ATP1A4: variants seen among roughly 807,000 people sequenced by gnomAD.
ATP1A4 encodes the protein ATPase Na+/K+ transporting subunit alpha 4.
A neutral mutation model predicts 114.3 loss-of-function variants in ATP1A4; 90 were observed. The ratio of observed to expected loss-of-function variants is 0.79; its 90% confidence interval spans 0.66 to 0.94. The LOEUF is 0.94. ATP1A4 is among the 40% of genes least tolerant of loss of function. The probability of loss-of-function intolerance (pLI) is 0.00; values close to 1 mark genes in which losing one functional copy is unlikely to be tolerated. For missense variants in ATP1A4, 1,222 were observed against 1,313.6 expected (o/e 0.93, Z 1.08); for synonymous variants, 511 against 494.1 (o/e 1.03, Z -0.45).
chr1:160,153,626 A>G lies in ATP1A4; in HGVS notation c.207+402A>G, dbSNP rs553049443. On this transcript the variant is annotated intron_variant, in intron 2 of 21. Coordinates refer to ENST00000368081, the MANE Select transcript of ATP1A4 (RefSeq NM_144699.4). ...ATTCATTTAAAAATAACAAAAATAAAGTTATCATATATTCATATATGTTTT... is the reference window on the plus strand; with the variant it reads ...ATTCATTTAAAAATAACAAAAATAAGGTTATCATATATTCATATATGTTTT... Among the ~76,000 whole-genome samples, 4 of 152,336 alleles carry G rather than the reference A, an allele frequency of 2.6e-5. No homozygotes were observed. In the South Asian group the frequency reaches 8.3e-4, roughly 32 times the overall value.
chr1:160,176,658 C>T (rs1653477620), intron 17 of ATP1A4, 56 bp downstream of exon 17: 2 of 1,593,322 alleles, frequency 1.3e-6, no homozygotes, highest in Non-Finnish European at 1.7e-6. Flanking sequence ...CCCTGCCTGG[C>T]AACGTGAGCC....
chr1:160,162,620 C>G (rs904763308), intron 6 of ATP1A4, among the ~76,000 whole-genome samples: 10 of 152,202 alleles, frequency 6.6e-5, no homozygotes, highest in African/African-American at 2.4e-4. Context: ...GCATCCTGGC[C>G]TCTACCCACT....
chr1:160,161,108 C>G (rs1652850373), intron 6 of ATP1A4, among the ~76,000 whole-genome samples: 1 of 152,112 alleles, frequency 6.6e-6, no homozygotes, highest in African/African-American at 2.4e-5. Context: ...CAACATGTGG[C>G]CAAGAAGGTG....
intron 20 of ATP1A4, among the ~76,000 whole-genome samples, chr1:160,184,901 A>G (rs1347239819): frequency 6.6e-6 from 1 of 152,136 alleles, no homozygotes; most frequent in African/African-American, 2.4e-5. Context: ...AGAAGCATCA[A>G]TATATTCGCC....
Position 160,177,595 on chromosome 1 carries a change from G to A in ATP1A4, c.2667G>A (p.Leu889=). The A allele has an allele frequency of 6.2e-7, 1 of 1,614,192 alleles. No individual in the cohort carries two copies. The stretch of plus-strand genomic sequence containing the variant: ...AGAATGGTTTTAGGCCTGTTGATCT[G>A]CTGGGCATCCGCCTCCACTGGGAAG... ...LAENGFRPVD[L]LGIRLHWEDK... is the part of the protein sequence containing the mutation. The change falls in exon 18 of 22, where the codon CTG becomes CTA. Residue 889 remains leucine (L), a synonymous_variant. Coordinates refer to ENST00000368081, the MANE Select transcript of ATP1A4 (RefSeq NM_144699.4).
chr1:160,168,168 C>T (rs1316711400), intron 10 of ATP1A4, among the ~76,000 whole-genome samples: 1 of 152,104 alleles, frequency 6.6e-6, no homozygotes, highest in Non-Finnish European at 1.5e-5. Context: ...TCTGGGCAGA[C>T]TGAAGAGAAG....
chr1:160,169,912 G>GGGACTTT (rs1293627973), intron 10 of ATP1A4: 1 of 152,278 alleles, frequency 6.6e-6, no homozygotes, highest in Non-Finnish European at 1.5e-5. Context: ...TTAGGAGACA[G>GGGACTTT]AGGCCCAGGG....
intron 15 of ATP1A4, 78 bp from the exon 16 acceptor site, chr1:160,176,014 G>T: frequency 6.9e-7 from 1 of 1,451,776 alleles, no homozygotes; most frequent in Non-Finnish European, 9.6e-7. Context: ...CTTTGAGGTG[G>T]CCTGTCTGTC....
chr1:160,176,293 T>C, intron 16 of ATP1A4, 47 bp downstream of exon 16: 1 of 1,610,182 alleles, frequency 6.2e-7, no homozygotes, highest in Admixed American at 1.7e-5. Context: ...TTCTGCCTCC[T>C]AAGCTCCCTG....
intron 3 of ATP1A4, among the ~76,000 whole-genome samples, chr1:160,155,677 C>T (rs1244556617): frequency 2.0e-5 from 3 of 152,056 alleles, no homozygotes; most frequent in South Asian, 2.1e-4. Flanking sequence ...CTTTGATGAC[C>T]TTCCCAATTG....
chr1:160,186,462 T>C, intron 21 of ATP1A4, 95 bp downstream of exon 21: 1 of 1,143,954 alleles, frequency 8.7e-7, no homozygotes, highest in Non-Finnish European at 1.3e-6. Context: ...CACCACTGAC[T>C]TTCTCCCCTC....
In ATP1A4 at chr1:160,155,226, A is replaced by G. The variant is rs2102009437; in HGVS notation, c.389A>G (p.Asn130Ser). The G allele has an allele frequency of 6.2e-7, 1 of 1,613,664 alleles. No individual in the cohort carries two copies. The highest frequency in any genetic ancestry group is 8.5e-7 in the Non-Finnish European group (1 of 1,179,882). The change falls in exon 3 of 22, where the codon AAT (asparagine) becomes AGT (serine). Residue 130 changes from asparagine (N) to serine (S), a missense_variant. Physicochemically the swap from Asn to Ser is conservative, Grantham distance 46. Transcript: ENST00000368081. The stretch of plus-strand genomic sequence containing the variant: ...GCCTACAGCATCCAGATATATTTCA[A>G]TGAGGAGCCTACCAAAGACAACGTG... Reference protein sequence around the residue: ...FVAYSIQIYFNEEPTKDNLYL... With the variant: ...FVAYSIQIYFSEEPTKDNLYL...
chr1:160,164,466 C>A (rs1275126628), intron 7 of ATP1A4, 42 bp downstream of exon 7: 1 of 1,605,034 alleles, frequency 6.2e-7, no homozygotes, highest in Non-Finnish European at 8.5e-7. Context: ...GCAGACAAAC[C>A]ACCCCAGGGA....
At chr1:160,155,954 T>C (rs1472729028) in intron 3 of ATP1A4, 91 bp from the exon 4 acceptor site, 2 of 776,624 alleles carry the variant, frequency 2.6e-6, no homozygotes, top group Non-Finnish European at 4.6e-6. Context: ...TTACACCTGG[T>C]GAAACTGCTG....
chr1:160,185,459 G>C (rs542552221), intron 20 of ATP1A4, among the ~76,000 whole-genome samples: 2 of 151,652 alleles, frequency 1.3e-5, no homozygotes. Flanking sequence ...CTCCACTCCC[G>C]ATCACTAATC....
chr1:160,153,330 C>T (rs1360818752), intron 2 of ATP1A4, 106 bp downstream of exon 2: 5 of 973,952 alleles, frequency 5.1e-6, no homozygotes, highest in African/African-American at 4.8e-5. Flanking sequence ...TCAAGTCCAA[C>T]GTTCCCACCC....
At chr1:160,173,053 C>T (rs1004472652) in intron 12 of ATP1A4, among the ~76,000 whole-genome samples, 9 of 152,116 alleles carry the variant, frequency 5.9e-5, no homozygotes, top group African/African-American at 1.7e-4. Flanking sequence ...TGTGAAAGCA[C>T]GTGGCCTGGG....
rs751434131 is a variant in ATP1A4, at chr1:160,176,488, A to G, written c.2476A>G (p.Ile826Val). ...IDLGTDMVPAISLAYESAESD... is the reference protein window; with the variant it reads ...IDLGTDMVPAVSLAYESAESD... ...ACCCTCCATCCTCCAGGTCCCTGCC[A>G]TCTCCTTGGCTTATGAGTCAGCTGA... Residue 826 changes from isoleucine (I) to valine (V), a missense_variant, in exon 17 of 22, where the codon ATC (isoleucine) becomes GTC (valine). Coordinates refer to ENST00000368081, the MANE Select transcript of ATP1A4 (RefSeq NM_144699.4). 32 of 1,614,060 alleles carry G rather than the reference A, an allele frequency of 2.0e-5. No homozygotes were observed. The South Asian group carries it at 3.4e-4, about 17-fold the overall frequency.
At chr1:160,176,749 C>G in intron 17 of ATP1A4, 147 bp downstream of exon 17, 1 of 1,100,110 alleles carries the variant, frequency 9.1e-7, no homozygotes, top group Non-Finnish European at 1.3e-6. Flanking sequence ...CCACTCATCT[C>G]TGATCTGTCC....
Sources: gnomAD v4.1 joint callset for allele counts (sites outside exome capture counted in the v4.1 genomes callset) on GRCh38, gnomAD v4.1.1 for gene constraint, MANE v1.5 for transcripts, NCBI Gene and HGNC (gene_info 2026-07-23, HGNC 2026-07-21) for gene names.